The following COLGALT2 variants were observed in gnomAD, a reference collection of about 807,000 sequenced individuals.
COLGALT2 encodes the protein collagen beta(1-O)galactosyltransferase 2, also known as procollagen galactosyltransferase 2.
Under a neutral mutation model 73.4 loss-of-function variants are expected in COLGALT2, and 49 were observed. The observed-to-expected ratio is 0.67, with a 90% confidence interval of 0.53 to 0.85. The LOEUF is 0.85. COLGALT2 is among the 40% of genes least tolerant of loss of function. COLGALT2 has a pLI of 0.00. For missense variants in COLGALT2, 722 were observed against 790.2 expected (o/e 0.91, Z 1.03); for synonymous variants, 295 against 307.6 (o/e 0.96, Z 0.43).
downstream of COLGALT2, among the ~76,000 whole-genome samples, chr1:183,931,813 A>T (rs1426770703): frequency 2.1e-5 from 3 of 141,372 alleles, no homozygotes; most frequent in East Asian, 3.9e-4. Flanking sequence ...AAAAAAAAAG[A>T]AGAAGAAGAC....
intron 1 of COLGALT2, among the ~76,000 whole-genome samples, chr1:183,981,200 G>C (rs1211090850): frequency 6.6e-6 from 1 of 152,002 alleles, no homozygotes; most frequent in Non-Finnish European, 1.5e-5. Flanking sequence ...TATCTAAAAT[G>C]AAAGTTGAAA....
At chr1:183,971,429 G>A (rs913653088) in intron 4 of COLGALT2, among the ~76,000 whole-genome samples, 10 of 152,158 alleles carry the variant, frequency 6.6e-5, no homozygotes, top group African/African-American at 2.4e-4. Context: ...AAGTAAATAA[G>A]GAGATAATAC....
At chr1:184,006,458 C>A (rs1226533923) in intron 1 of COLGALT2, among the ~76,000 whole-genome samples, 1 of 152,020 alleles carries the variant, frequency 6.6e-6, no homozygotes, top group African/African-American at 2.4e-5. Flanking sequence ...GTGGTGCATG[C>A]CTGTAATCCC....
chr1:183,964,371 C>T (rs1670806782), intron 5 of COLGALT2: 1 of 327,598 alleles, frequency 3.1e-6, no homozygotes, highest in Admixed American at 4.9e-5. Context: ...CACTGTAATC[C>T]ACCTACAGGA....
chr1:184,022,787 A>G (rs1231362567), intron 1 of COLGALT2, among the ~76,000 whole-genome samples: 2 of 152,266 alleles, frequency 1.3e-5, no homozygotes, highest in African/African-American at 4.8e-5. Context: ...CCCTCAGTCC[A>G]TTAAATCACA....
At chr1:184,019,348 A>T (rs1207295282) in intron 1 of COLGALT2, among the ~76,000 whole-genome samples, 1 of 152,224 alleles carries the variant, frequency 6.6e-6, no homozygotes, top group Non-Finnish European at 1.5e-5. Flanking sequence ...TCCTCAGGAC[A>T]GAGCTAATGG....
chr1:183,969,724 A>G (rs1670983763), intron 4 of COLGALT2, among the ~76,000 whole-genome samples: 2 of 152,246 alleles, frequency 1.3e-5, no homozygotes, highest in Admixed American at 1.3e-4. Flanking sequence ...CTCTAGATTT[A>G]ATAATTTCAT....
At position 183,935,840 on chromosome 1, in the gene COLGALT2, C is replaced by T. The variant is rs1177016474; in HGVS notation, c.*2921G>A. 4 of 985,094 alleles carry T rather than the reference C, an allele frequency of 4.1e-6. No individual in the cohort carries two copies. Among genetic ancestry groups the T allele is most frequent in the Non-Finnish European group, 1.2e-6 (1 of 829,770 alleles). 61.0% of individuals were successfully genotyped at this position (985,094 alleles called of 1,614,324 possible). A position where few individuals can be genotyped will look rare whatever the true frequency, so the allele number is the denominator to read the frequency against. Reference sequence around the variant, plus strand: ...AGCAATTGACAATCATATCTTTGAGCTAAGTTTTTTTTTAATTTTTCACAA... The same window carrying T: ...AGCAATTGACAATCATATCTTTGAGTTAAGTTTTTTTTTAATTTTTCACAA... On this transcript the variant is annotated 3_prime_UTR_variant, in exon 12 of 12. Coordinates refer to ENST00000361927, the MANE Select transcript of COLGALT2 (RefSeq NM_015101.4).
chr1:183,940,839 A>G (rs1409808983), intron 10 of COLGALT2, 52 bp from the exon 11 acceptor site: 4 of 1,461,202 alleles, frequency 2.7e-6, no homozygotes, highest in Non-Finnish European at 3.8e-6. Flanking sequence ...TTATGCCATG[A>G]TAAGGATGAA....
At chr1:183,950,558 C>T (rs1038990340) in intron 8 of COLGALT2, among the ~76,000 whole-genome samples, 19 of 151,738 alleles carry the variant, frequency 1.3e-4, no homozygotes, top group Non-Finnish European at 2.1e-4. Flanking sequence ...CCACTATGAT[C>T]GGTCCAGGCA....
intron 1 of COLGALT2, among the ~76,000 whole-genome samples, chr1:184,035,616 C>G (rs1390065727): frequency 2.0e-5 from 3 of 152,184 alleles, no homozygotes; most frequent in African/African-American, 7.2e-5. Context: ...GTGCCTGACA[C>G]CTGCTTCACC....
intron 1 of COLGALT2, among the ~76,000 whole-genome samples, chr1:183,995,135 C>T (rs1387547490): frequency 6.6e-6 from 1 of 152,170 alleles, no homozygotes; most frequent in East Asian, 1.9e-4. Context: ...GAATACATAT[C>T]AATAGTCATT....
At chr1:183,939,216 A>G (rs1670045067) in intron 11 of COLGALT2, among the ~76,000 whole-genome samples, 179 bp from the exon 12 acceptor site, 1 of 152,202 alleles carries the variant, frequency 6.6e-6, no homozygotes, top group Non-Finnish European at 1.5e-5. Flanking sequence ...CTTTCCAAAG[A>G]CAAGCTCCCA....
chr1:183,936,971 T>A lies in COLGALT2; in HGVS notation c.*1790A>T. 8.1e-7 allele frequency: 1 copy of A among 1,231,774 alleles called. No individual in the cohort carries two copies. The highest frequency in any genetic ancestry group is 4.1e-5 in the South Asian group (1 of 24,316). 76.3% of individuals were successfully genotyped at this position (1,231,774 alleles called of 1,614,324 possible). On this transcript the variant is annotated 3_prime_UTR_variant, in exon 12 of 12. Coordinates refer to ENST00000361927, the MANE Select transcript of COLGALT2 (RefSeq NM_015101.4). ...CCTGGGGAGATGAGGCTGCCTTGAC[T>A]ACCTATTTGGTGATGAGACAGCTTG...
chr1:184,010,616 G>A (rs1672209196), intron 1 of COLGALT2, among the ~76,000 whole-genome samples: 2 of 152,110 alleles, frequency 1.3e-5, no homozygotes, highest in South Asian at 4.1e-4. Flanking sequence ...CAAAGAATGA[G>A]GTACACAGGC....
chr1:183,970,975 CT>C (rs1237591989), intron 4 of COLGALT2, among the ~76,000 whole-genome samples: 2 of 152,168 alleles, frequency 1.3e-5, no homozygotes, highest in African/African-American at 4.8e-5. Flanking sequence ...TTCTAGATTA[CT>C]TAGGAACAAT....
Position 183,937,048 on chromosome 1 carries a change from A to C in COLGALT2, c.*1713T>G, listed in dbSNP as rs1669974021. On this transcript the variant is annotated 3_prime_UTR_variant, in exon 12 of 12. Transcript: ENST00000361927. ...CATGCTGTTCAACCTTAATGTGGCA[A>C]TCAGTATCACATGGGCAGTGAACTG... The C allele has an allele frequency of 8.1e-7, 1 of 1,231,528 alleles. No individual in the cohort carries two copies. Among genetic ancestry groups the C allele is most frequent in the Admixed American group, 4.2e-5 (1 of 23,700 alleles). 76.3% of individuals were successfully genotyped at this position (1,231,528 alleles called of 1,614,324 possible).
intron 1 of COLGALT2, among the ~76,000 whole-genome samples, chr1:183,982,747 T>C (rs917019685): frequency 6.6e-6 from 1 of 152,156 alleles, no homozygotes; most frequent in Non-Finnish European, 1.5e-5. Flanking sequence ...AGTACAACTA[T>C]GCCTGTGAAT....
chr1:184,003,708 G>A (rs567538966), intron 1 of COLGALT2, among the ~76,000 whole-genome samples: 1 of 152,250 alleles, frequency 6.6e-6, no homozygotes, highest in South Asian at 2.1e-4. Context: ...TGTTTTTAAA[G>A]AGTTATTCTT....
Sources: allele counts gnomAD v4.1 joint callset (sites outside exome capture counted in the v4.1 genomes callset), GRCh38; gene constraint gnomAD v4.1.1; transcripts MANE v1.5; gene names NCBI Gene and HGNC (gene_info 2026-07-23, HGNC 2026-07-21).